Variants in CCDC192 observed in about 807,000 individuals in gnomAD.
The protein encoded by CCDC192 is coiled-coil domain-containing protein 192.
intron 5 of CCDC192, among the ~76,000 whole-genome samples, chr5:127,834,370 C>T (rs1210038092): frequency 2.6e-5 from 4 of 152,148 alleles, no homozygotes; most frequent in African/African-American, 7.2e-5. Context: ...AGTTACTCAT[C>T]AACTGAATAC....
intron 2 of CCDC192, among the ~76,000 whole-genome samples, chr5:127,708,935 T>C (rs1240933429): frequency 6.6e-6 from 1 of 152,032 alleles, no homozygotes; most frequent in Non-Finnish European, 1.5e-5. Context: ...TATAAAGAGA[T>C]ACCTGAGACT....
At chr5:127,811,752 G>A (rs1758095087) in intron 5 of CCDC192, among the ~76,000 whole-genome samples, 1 of 152,036 alleles carries the variant, frequency 6.6e-6, no homozygotes, top group South Asian at 2.1e-4. Flanking sequence ...AAGAGGAAAT[G>A]TGAGTACCTA....
At chr5:127,761,114 T>A (rs1045058890) in intron 3 of CCDC192, among the ~76,000 whole-genome samples, 1 of 152,210 alleles carries the variant, frequency 6.6e-6, no homozygotes, top group African/African-American at 2.4e-5. Context: ...AGAACCTAAT[T>A]TGGGGCATTT....
chr5:127,864,001 A>G (rs1751486047), intron 5 of CCDC192, among the ~76,000 whole-genome samples: 3 of 152,176 alleles, frequency 2.0e-5, no homozygotes, highest in African/African-American at 7.2e-5. Flanking sequence ...ACTCTTACCT[A>G]GAAAAAATCA....
In CCDC192 at chr5:127,767,875, C is replaced by T. The variant is rs538017313; in HGVS notation, c.222+13500C>T. Among the ~76,000 whole-genome samples, 34 of 152,188 alleles carry T rather than the reference C, an allele frequency of 2.2e-4. No homozygotes were observed. In the South Asian group the frequency reaches 6.7e-3, roughly 30 times the overall value. ...TATGGATTAAATCGTATGTCAGCCC[C>T]GCAATTAATTTGTTGAAGTTCTAAC... On this transcript the variant is annotated intron_variant, in intron 3 of 6. Transcript: ENST00000514853.
intron 6 of CCDC192, among the ~76,000 whole-genome samples, chr5:127,877,792 A>C (rs73347077): frequency 0.037 from 5,679 of 151,946 alleles, 242 homozygotes; most frequent in Middle Eastern, 0.13. Context: ...CCACCCCCCC[A>C]CACACATATT....
chr5:127,852,754 A>C (rs1750857297), intron 5 of CCDC192, among the ~76,000 whole-genome samples: 1 of 152,134 alleles, frequency 6.6e-6, no homozygotes, highest in African/African-American at 2.4e-5. Context: ...GTTACCCATT[A>C]TTCTCTTTAG....
At chr5:127,809,922 A>G (rs1341482273) in intron 5 of CCDC192, among the ~76,000 whole-genome samples, 1 of 152,174 alleles carries the variant, frequency 6.6e-6, no homozygotes, top group African/African-American at 2.4e-5. Flanking sequence ...TTTGAATAAA[A>G]CAGATTGCTC....
intron 5 of CCDC192, among the ~76,000 whole-genome samples, chr5:127,798,740 A>G (rs1336657329): frequency 2.7e-5 from 4 of 150,056 alleles, no homozygotes. Context: ...TATATTACAT[A>G]TATTTAATAT....
intron 5 of CCDC192, among the ~76,000 whole-genome samples, chr5:127,863,055 G>A (rs1382065609): frequency 6.6e-6 from 1 of 151,948 alleles, no homozygotes; most frequent in Non-Finnish European, 1.5e-5. Flanking sequence ...GCTTCAAAAT[G>A]TCTTCCCACT....
rs1489676746 is a variant in CCDC192, at chr5:127,754,349, G to A, written c.196G>A (p.Glu66Lys). The change falls in exon 3 of 7, where the codon GAA becomes AAA. Residue 66 changes from glutamate to lysine, a missense_variant. Transcript: ENST00000514853. ...SLEICLKEAE[E>K]KAKALSEQLS... ...GGAGATTTGCCTGAAAGAAGCAGAA[G>A]AAAAGGCTAAAGCTTTATCTGAACA... is the stretch of plus-strand genomic sequence containing the variant. 1.3e-5 allele frequency: 5 copies of A among 398,860 alleles called. No individual in the cohort carries two copies. The highest frequency in any genetic ancestry group is 2.2e-5 in the Non-Finnish European group (5 of 226,010). The allele number at this position is 398,860 out of a possible 1,614,324, so 24.7% of individuals were successfully genotyped here. A position where few individuals can be genotyped will look rare whatever the true frequency, so the allele number is the denominator to read the frequency against.
intron 3 of CCDC192, chr5:127,785,173 A>G (rs1483555733): frequency 1.9e-5 from 10 of 528,114 alleles, no homozygotes; most frequent in South Asian, 8.4e-5. Context: ...GTTAGTTACC[A>G]ATTCTCCTTT....
chr5:127,712,608 C>G (rs1163050252), intron 2 of CCDC192, among the ~76,000 whole-genome samples: 1 of 152,186 alleles, frequency 6.6e-6, no homozygotes, highest in African/African-American at 2.4e-5. Flanking sequence ...TACCAAGCCT[C>G]AGATATTCTT....
intron 6 of CCDC192, among the ~76,000 whole-genome samples, chr5:127,938,405 TC>T (rs1184240610): frequency 6.6e-6 from 1 of 152,114 alleles, no homozygotes; most frequent in Non-Finnish European, 1.5e-5. Context: ...GGACCAGAGA[TC>T]CTCCCTCTCA....
intron 6 of CCDC192, among the ~76,000 whole-genome samples, chr5:127,899,561 C>CAAA (rs10537626): frequency 4.4e-5 from 6 of 137,388 alleles, no homozygotes; most frequent in African/African-American, 5.4e-5. Context: ...CACACTGCAC[C>CAAA]AAAAAAAAAA....
intron 5 of CCDC192, among the ~76,000 whole-genome samples, chr5:127,801,629 C>A (rs1757512187): frequency 6.6e-6 from 1 of 152,198 alleles, no homozygotes; most frequent in Non-Finnish European, 1.5e-5. Context: ...TCAAATAACT[C>A]TTTTCTGTCC....
At chr5:127,838,807 A>G (rs1257056278) in intron 5 of CCDC192, 1 of 152,228 alleles carries the variant, frequency 6.6e-6, no homozygotes, top group Non-Finnish European at 1.5e-5. Flanking sequence ...TCTCTCCTCA[A>G]CACTGTGAAA....
intron 2 of CCDC192, among the ~76,000 whole-genome samples, chr5:127,734,092 A>C (rs1752819037): frequency 4.4e-5 from 4 of 91,298 alleles, no homozygotes; most frequent in East Asian, 3.7e-4. Flanking sequence ...CCACCCCACA[A>C]CAGTCCCCAG....
chr5:127,920,407 C>CTT (rs11388727), intron 6 of CCDC192, among the ~76,000 whole-genome samples: 4,571 of 115,694 alleles, frequency 0.04, 309 homozygotes, highest in East Asian at 0.26. Flanking sequence ...ACTGAAGAGG[C>CTT]TTTTTTTTTT....
Sources: allele counts gnomAD v4.1 joint callset (sites outside exome capture counted in the v4.1 genomes callset), GRCh38; gene constraint gnomAD v4.1.1; transcripts MANE v1.5; gene names NCBI Gene and HGNC (gene_info 2026-07-23, HGNC 2026-07-21).